ADARB2: variants seen among roughly 807,000 people sequenced by gnomAD.
The protein encoded by ADARB2 is inactive double-stranded RNA-specific editase B2.
In ADARB2, 25 loss-of-function variants were observed where a neutral mutation model predicts 62.2. That is an observed-to-expected ratio of 0.40 (90% confidence interval 0.29 to 0.56). ADARB2 has a LOEUF of 0.56. ADARB2 is among the 20% of genes least tolerant of loss of function. The pLI is 0.43. For synonymous variants in ADARB2, 572 were observed against 500.8 expected, an observed-to-expected ratio of 1.14 and a Z score of -1.90; for missense variants, 1,071 against 1,077.4, an observed-to-expected ratio of 0.99 and a Z score of 0.08.
chr10:1,624,395 G>A (rs1191578173), intron 1 of ADARB2, among the ~76,000 whole-genome samples: 1 of 152,126 alleles, frequency 6.6e-6, no homozygotes, highest in Non-Finnish European at 1.5e-5. Flanking sequence ...ATGCCGTCCT[G>A]CCTGGTCTCC....
At chr10:1,288,018 G>T (rs889193925) in intron 3 of ADARB2, among the ~76,000 whole-genome samples, 1 of 152,160 alleles carries the variant, frequency 6.6e-6, no homozygotes, top group Non-Finnish European at 1.5e-5. Context: ...TGCATGGTGG[G>T]CCCCCACCCC....
chr10:1,217,029 G>C lies in ADARB2; in HGVS notation c.1604C>G (p.Pro535Arg). 1.9e-6 allele frequency: 3 copies of C among 1,611,872 alleles called. No homozygotes were observed. Among genetic ancestry groups the C allele is most frequent in the Non-Finnish European group, 2.5e-6 (3 of 1,179,554 alleles). ...GCCGTCCCAGGTCTGCACTGCGCTGGGGCCACGCACGGGGACCGTCCCTTC... is the reference window on the plus strand; with the variant it reads ...GCCGTCCCAGGTCTGCACTGCGCTGCGGCCACGCACGGGGACCGTCCCTTC... ...SGEGTVPVRG[P>R]SAVQTWDGVL... Residue 535 changes from proline to arginine, a missense_variant, in exon 7 of 10, where the codon CCC becomes CGC. Transcript: ENST00000381312.
At chr10:1,198,227 T>G (rs571116776) in intron 8 of ADARB2, among the ~76,000 whole-genome samples, 1 of 152,356 alleles carries the variant, frequency 6.6e-6, no homozygotes, top group South Asian at 2.1e-4. Context: ...TTGCTTCTTT[T>G]TAACTCAGAG....
At chr10:1,292,942 T>TGGAGAGAGGGAAGG (rs1831479942) in intron 3 of ADARB2, 1 of 75,164 alleles carries the variant, frequency 1.3e-5, no homozygotes, top group Non-Finnish European at 2.5e-5. Context: ...CATCCTTCCA[T>TGGAGAGAGGGAAGG]GGAGAGAGGG....
chr10:1,408,909 G>A (rs1207333533), intron 1 of ADARB2, among the ~76,000 whole-genome samples: 2 of 152,230 alleles, frequency 1.3e-5, no homozygotes, highest in Non-Finnish European at 2.9e-5. Context: ...GGGTGGCCGC[G>A]GCTCCTCACC....
rs1589160330 is a variant in ADARB2 at position 1,233,978 on chromosome 10, C to CTTTTTT, written c.1362-139_1362-134dup. The CTTTTTT allele has an allele frequency of 3.7e-5, 16 of 433,410 alleles. 6 individuals are homozygous for CTTTTTT. Among genetic ancestry groups the CTTTTTT allele is most frequent in the African/African-American group, 7.2e-5 (2 of 27,728 alleles). 26.8% of individuals were successfully genotyped at this position (433,410 alleles called of 1,614,324 possible). ...CTTTATATTTTTCCTTTTTTTTTTCCTTTTTTTTTTGAGACGGAGTCTTGT... is the reference window on the plus strand; with the variant it reads ...CTTTATATTTTTCCTTTTTTTTTTCCTTTTTTTTTTTTTTTTGAGACGGAGTCTTGT... On this transcript the variant is annotated intron_variant, in intron 5 of 9. Transcript: ENST00000381312.
chr10:1,579,675 G>A (rs911306507), intron 1 of ADARB2, among the ~76,000 whole-genome samples: 1 of 152,222 alleles, frequency 6.6e-6, no homozygotes, highest in Non-Finnish European at 1.5e-5. Context: ...TGAGCTAGTT[G>A]ATTTAAATAT....
chr10:1,455,990 T>G (rs1375233259), intron 1 of ADARB2, among the ~76,000 whole-genome samples: 2 of 152,082 alleles, frequency 1.3e-5, no homozygotes, highest in African/African-American at 2.4e-5. Flanking sequence ...CATAGAAGAG[T>G]GGTTGAAAAG....
intron 3 of ADARB2, among the ~76,000 whole-genome samples, chr10:1,344,049 G>A (rs1315058644): frequency 6.6e-6 from 1 of 152,200 alleles, no homozygotes; most frequent in African/African-American, 2.4e-5. Context: ...CTCAGGTTGT[G>A]CAGGAGGCAT....
intron 3 of ADARB2, among the ~76,000 whole-genome samples, chr10:1,272,557 C>A (rs1033555990): frequency 4.6e-5 from 7 of 152,204 alleles, no homozygotes; most frequent in Non-Finnish European, 1.0e-4. Context: ...GGTTTGAGGG[C>A]CTCAAGCCGC....
rs1830932088 is a variant in ADARB2 at position 1,242,214 on chromosome 10, C to T, written c.1278G>A (p.Leu426=). 1.9e-6 allele frequency: 3 copies of T among 1,608,842 alleles called. No homozygotes were observed. Among genetic ancestry groups the T allele is most frequent in the Non-Finnish European group, 2.5e-6 (3 of 1,178,584 alleles). ...CCTCCGCGTGGCAGTCATTCACCACCAGCCCCTGGTCACTGAGGTGCTCGC... is the reference window on the plus strand; with the variant it reads ...CCTCCGCGTGGCAGTCATTCACCACTAGCCCCTGGTCACTGAGGTGCTCGC... ...ISGEHLSDQG[L]VVNDCHAEVV... The change falls in exon 5 of 10, where the codon CTG becomes CTA. Residue 426 remains leucine, a synonymous_variant. Coordinates refer to ENST00000381312, the MANE Select transcript of ADARB2 (RefSeq NM_018702.4).
chr10:1,403,167 C>T (rs777852276), intron 1 of ADARB2, among the ~76,000 whole-genome samples: 7 of 152,274 alleles, frequency 4.6e-5, no homozygotes, highest in Non-Finnish European at 7.4e-5. Flanking sequence ...CTGCTCAACT[C>T]GTTTTTTCTT....
chr10:1,639,940 C>T (rs191919055), intron 1 of ADARB2, among the ~76,000 whole-genome samples: 55 of 152,276 alleles, frequency 3.6e-4, no homozygotes, highest in African/African-American at 1.3e-3. Flanking sequence ...CATGACCTGC[C>T]CTTCTAACAG....
chr10:1,187,831 T>TG (rs1836781891), intron 8 of ADARB2: 1 of 436,236 alleles, frequency 2.3e-6, no homozygotes, highest in African/African-American at 2.0e-5. Context: ...CAGCCTTGCA[T>TG]GGGGGCTTCT....
In ADARB2 at chr10:1,616,364, T is replaced by A. The variant is rs192697491; in HGVS notation, c.100+120687A>T. 1.8e-4 allele frequency among the ~76,000 whole-genome samples: 27 copies of A among 152,362 alleles called. No homozygotes were observed. The East Asian group carries it at 5.0e-3, about 28-fold the overall frequency. ...CAGCAAGTAGTGCTAGATGTCTGTGTGCCCCTCCAGACACACTCTACCCTG... is the reference window on the plus strand; with the variant it reads ...CAGCAAGTAGTGCTAGATGTCTGTGAGCCCCTCCAGACACACTCTACCCTG... On this transcript the variant is annotated intron_variant, in intron 1 of 9. Transcript: ENST00000381312.
intron 1 of ADARB2, among the ~76,000 whole-genome samples, chr10:1,389,184 T>G (rs948040670): frequency 3.3e-5 from 5 of 152,126 alleles, no homozygotes; most frequent in African/African-American, 4.8e-5. Flanking sequence ...AACTATAAAT[T>G]TTTAAGAAGA....
chr10:1,242,097 C>G, intron 5 of ADARB2, 34 bp downstream of exon 5: 1 of 1,566,526 alleles, frequency 6.4e-7, no homozygotes, highest in Non-Finnish European at 8.6e-7. Context: ...GCCGCGGCGT[C>G]CGCCTTCCCT....
At chr10:1,728,586 C>A (rs931740242) in intron 1 of ADARB2, among the ~76,000 whole-genome samples, 1 of 152,156 alleles carries the variant, frequency 6.6e-6, no homozygotes, top group African/African-American at 2.4e-5. Context: ...ATTCATTACC[C>A]ACATACAAGA....
At chr10:1,633,013 G>A (rs777651177) in intron 1 of ADARB2, among the ~76,000 whole-genome samples, 8 of 152,170 alleles carry the variant, frequency 5.3e-5, no homozygotes, top group Non-Finnish European at 1.0e-4. Flanking sequence ...GGGGCAGGGT[G>A]GATCGCCTCT....
Sources: gnomAD v4.1 joint callset for allele counts (sites outside exome capture counted in the v4.1 genomes callset) on GRCh38, gnomAD v4.1.1 for gene constraint, MANE v1.5 for transcripts, NCBI Gene and HGNC (gene_info 2026-07-23, HGNC 2026-07-21) for gene names.